The following CPA5 variants were observed in gnomAD, a reference collection of about 807,000 sequenced individuals.
CPA5 encodes the protein carboxypeptidase A5, also known as testicular tissue protein Li 32.
Under a neutral mutation model 52.2 loss-of-function variants are expected in CPA5, and 38 were observed. The observed-to-expected ratio is 0.73, with a 90% CI of 0.56 to 0.95. The LOEUF is 0.95. CPA5 is among the 40% of genes least tolerant of loss of function. CPA5 has a pLI of 0.00. For missense variants in CPA5, 519 were observed against 566.7 expected, an observed-to-expected ratio of 0.92 and a Z score of 0.86; for synonymous variants, 198 against 213.7, an observed-to-expected ratio of 0.93 and a Z score of 0.64.
In CPA5 at chr7:130,362,989, A is replaced by C; in HGVS notation, c.742A>C (p.Ser248Arg). Reference protein sequence around the residue: ...TNPDGFAFTHSMNRLWRKNKS... With the variant: ...TNPDGFAFTHRMNRLWRKNKS... ...CCCTGATGGGTTTGCTTTTACCCAC[A>C]GCATGGTGAGGGAACCTGGGAAGGA... Residue 248 changes from serine (S) to arginine (R), a missense_variant, in exon 9 of 13, where the codon AGC becomes CGC. Ser to Arg is a moderately radical substitution (Grantham distance 110, BLOSUM62 -1). Coordinates refer to ENST00000474905, the MANE Select transcript of CPA5 (RefSeq NM_080385.5). 1 of 1,594,476 alleles carries C rather than the reference A, an allele frequency of 6.3e-7. No homozygotes were observed. The highest frequency in any genetic ancestry group is 8.6e-7 in the Non-Finnish European group (1 of 1,162,260).
intron 3 of CPA5, among the ~76,000 whole-genome samples, chr7:130,347,013 A>C (rs972309232): frequency 2.6e-5 from 4 of 152,180 alleles, no homozygotes; most frequent in Non-Finnish European, 5.9e-5. Flanking sequence ...AATGACAGGA[A>C]GTTCTAGTAT....
At chr7:130,362,826 G>A (rs1554407145) in intron 8 of CPA5, 58 bp from the exon 9 acceptor site, 14 of 1,115,832 alleles carry the variant, frequency 1.3e-5, no homozygotes, top group Admixed American at 7.0e-5. Flanking sequence ...AAAATGTCCT[G>A]TGCCACCTCC....
rs1795605576 is a variant in CPA5 at position 130,358,333 on chromosome 7, G to T, written c.334-1256G>T. 2.6e-5 allele frequency among the ~76,000 whole-genome samples: 4 copies of T among 152,022 alleles called. No homozygotes were observed. The South Asian group carries it at 8.3e-4, about 32-fold the overall frequency. ...GTTATTACTGTTGGCCTTTAGTTTT[G>T]ATAGTTGGCCTTAAGGAACCCAAGG... is the stretch of plus-strand genomic sequence containing the variant. On this transcript the variant is annotated intron_variant, in intron 5 of 12. Coordinates refer to ENST00000474905, the MANE Select transcript of CPA5 (RefSeq NM_080385.5).
chr7:130,346,422 C>A lies in CPA5; in HGVS notation c.-64C>A. 2 of 1,226,374 alleles carry A rather than the reference C, an allele frequency of 1.6e-6. No homozygotes were observed. Among genetic ancestry groups the A allele is most frequent in the Non-Finnish European group, 2.4e-6 (2 of 847,406 alleles). 76.0% of individuals were successfully genotyped at this position (1,226,374 alleles called of 1,614,324 possible). On this transcript the variant is annotated 5_prime_UTR_variant, in exon 3 of 13. It adds an upstream start codon to the 5' untranslated region. Coordinates refer to ENST00000474905, the MANE Select transcript of CPA5 (RefSeq NM_080385.5). ...GGCTTTCCAGCCTCTAGGTGCTGTG[C>A]TGTCCTGAGGCCTGGGCCATGGTGC...
At chr7:130,350,624 C>A (rs1275585666) in intron 5 of CPA5, among the ~76,000 whole-genome samples, 1 of 152,230 alleles carries the variant, frequency 6.6e-6, no homozygotes, top group Non-Finnish European at 1.5e-5. Flanking sequence ...CACCGCTTGG[C>A]TCTCCGCACG....
Position 130,361,243 on chromosome 7 carries a change from A to G in CPA5, c.533A>G (p.Lys178Arg). The stretch of plus-strand genomic sequence containing the variant: ...GAAAACCAGTCCATTCTTGTCCTGA[A>G]GGTAAAAGCCCACAATGTCAACCTG... Reference protein sequence around the residue: ...SFENQSILVLKFSTGGSRHPA... With the variant: ...SFENQSILVLRFSTGGSRHPA... Residue 178 changes from lysine (K) to arginine (R), a missense_variant and splice_region_variant, in exon 7 of 13, where the codon AAG (lysine) becomes AGG (arginine). Coordinates refer to ENST00000474905, the MANE Select transcript of CPA5 (RefSeq NM_080385.5). The G allele has an allele frequency of 6.2e-7, 1 of 1,606,764 alleles. No homozygotes were observed. Among genetic ancestry groups the G allele is most frequent in the Non-Finnish European group, 8.5e-7 (1 of 1,173,286 alleles).
chr7:130,362,403 C>T, intron 7 of CPA5, 35 bp from the exon 8 acceptor site: 3 of 1,528,730 alleles, frequency 2.0e-6, no homozygotes, highest in South Asian at 2.3e-5. Flanking sequence ...TGTCTGAGTT[C>T]AAACCTCGGT....
At chr7:130,358,460 A>C (rs1795615917) in intron 5 of CPA5, among the ~76,000 whole-genome samples, 1 of 152,200 alleles carries the variant, frequency 6.6e-6, no homozygotes. Context: ...TAAAACAGAA[A>C]TAGCTCATTT....
At chr7:130,354,420 G>T (rs1554404730) in intron 5 of CPA5, among the ~76,000 whole-genome samples, 1 of 150,936 alleles carries the variant, frequency 6.6e-6, no homozygotes, top group Admixed American at 6.6e-5. Flanking sequence ...TTGAGACAGG[G>T]TCTCACTCCC....
chr7:130,367,690 C>A, intron 11 of CPA5, 119 bp downstream of exon 11: 1 of 1,061,984 alleles, frequency 9.4e-7, no homozygotes, highest in Non-Finnish European at 1.4e-6. Flanking sequence ...GGCTGATTGA[C>A]CCCATGGTGC....
intron 9 of CPA5, among the ~76,000 whole-genome samples, 184 bp downstream of exon 9, chr7:130,363,178 G>A (rs1554407270): frequency 6.6e-6 from 1 of 152,198 alleles, no homozygotes; most frequent in African/African-American, 2.4e-5. Flanking sequence ...TGCTGCCCAG[G>A]GAAGGCCTCT....
chr7:130,357,102 T>C (rs1283270205), intron 5 of CPA5, among the ~76,000 whole-genome samples: 1 of 152,220 alleles, frequency 6.6e-6, no homozygotes, highest in Non-Finnish European at 1.5e-5. Context: ...GGCCAGCTAG[T>C]GCAGCTGGAA....
At chr7:130,345,549 G>T (rs1404063543) in intron 1 of CPA5, 1 of 152,230 alleles carries the variant, frequency 6.6e-6, no homozygotes, top group Non-Finnish European at 1.5e-5. Flanking sequence ...GCTTCAGCAG[G>T]ACTGAGAAAT....
At chr7:130,352,265 C>A (rs1407007735) in intron 5 of CPA5, among the ~76,000 whole-genome samples, 2 of 152,018 alleles carry the variant, frequency 1.3e-5, no homozygotes, top group African/African-American at 4.8e-5. Flanking sequence ...ACACAGAGAG[C>A]CCTACTGTGT....
At chr7:130,370,148 G>A (rs1554409743), downstream of CPA5, among the ~76,000 whole-genome samples, 1 of 152,260 alleles carries the variant, frequency 6.6e-6, no homozygotes. Context: ...AGTGGTCATG[G>A]TGGCACAGCA....
chr7:130,351,796 A>G (rs1186195494), intron 5 of CPA5, among the ~76,000 whole-genome samples: 1 of 151,996 alleles, frequency 6.6e-6, no homozygotes, highest in Non-Finnish European at 1.5e-5. Flanking sequence ...CACGGGCCCG[A>G]TTGTCTCCCT....
At chr7:130,369,021 C>A (rs531675305), downstream of CPA5, among the ~76,000 whole-genome samples, 20 of 152,204 alleles carry the variant, frequency 1.3e-4, no homozygotes, top group Middle Eastern at 3.2e-3. Flanking sequence ...GGCATTTCTG[C>A]CACCTTGAGG....
intron 11 of CPA5, 133 bp from the exon 12 acceptor site, chr7:130,367,773 C>A: frequency 1.1e-6 from 1 of 878,256 alleles, no homozygotes; most frequent in South Asian, 1.5e-5. Flanking sequence ...GTGCTCCCTT[C>A]TCACAAGGGC....
chr7:130,351,039 G>A (rs781791260), intron 5 of CPA5, among the ~76,000 whole-genome samples: 17 of 152,194 alleles, frequency 1.1e-4, no homozygotes, highest in Non-Finnish European at 2.1e-4. Flanking sequence ...CTCCCGGAGC[G>A]CACACACTTG....
Sources: gnomAD v4.1 joint callset for allele counts (sites outside exome capture counted in the v4.1 genomes callset) on GRCh38, gnomAD v4.1.1 for gene constraint, MANE v1.5 for transcripts, NCBI Gene and HGNC (gene_info 2026-07-23, HGNC 2026-07-21) for gene names.